Variants in CEP70 observed in about 807,000 individuals in gnomAD.
CEP70 encodes centrosomal protein of 70 kDa.
In CEP70, 70 loss-of-function variants were observed where a neutral mutation model predicts 90.9. That is an observed-to-expected ratio of 0.77 (90% confidence interval 0.64 to 0.94). CEP70 has a LOEUF of 0.94. Ranked by LOEUF, CEP70 falls within the 40% of genes least tolerant of loss-of-function variation. CEP70 has a pLI of 0.00. For missense variants in CEP70, 648 were observed against 669.0 expected (o/e 0.97, Z 0.35); for synonymous variants, 220 against 228.3 (o/e 0.96, Z 0.33).
chr3:138,576,180 C>G (rs1467299198), intron 2 of CEP70, among the ~76,000 whole-genome samples: 18 of 152,148 alleles, frequency 1.2e-4, no homozygotes, highest in Admixed American at 1.2e-3. Flanking sequence ...AGTCAAGACC[C>G]ATCAGTGTGC....
chr3:138,550,882 G>C (rs996699895), intron 6 of CEP70, among the ~76,000 whole-genome samples: 3 of 152,296 alleles, frequency 2.0e-5, no homozygotes, highest in South Asian at 4.1e-4. Context: ...TATGTTAAAC[G>C]ACCAAATCTA....
At chr3:138,500,304 C>T (rs1279467335) in intron 15 of CEP70, 80 bp from the exon 16 acceptor site, 32 of 1,497,498 alleles carry the variant, frequency 2.1e-5, no homozygotes, top group Non-Finnish European at 2.7e-5. Flanking sequence ...CTTCAGTTAT[C>T]CTCAATTTTT....
At position 138,541,557 on chromosome 3, in the gene CEP70, G is replaced by T. The variant is rs373521710; in HGVS notation, c.466-4210C>A. The stretch of plus-strand genomic sequence containing the variant: ...GGACTCATAAGAAATGCTAAAGGGA[G>T]TTCTTCACTATGAAAGAGAAGGACA... On this transcript the variant is annotated intron_variant, in intron 6 of 17. Transcript: ENST00000264982. 2.7e-4 allele frequency among the ~76,000 whole-genome samples: 41 copies of T among 152,244 alleles called. No homozygotes were observed. The East Asian group carries it at 7.3e-3, about 27-fold the overall frequency.
chr3:138,533,985 C>T (rs189560058), intron 7 of CEP70, among the ~76,000 whole-genome samples: 225 of 152,178 alleles, frequency 1.5e-3, no homozygotes, highest in African/African-American at 5.2e-3. Context: ...GGGGTTTCAC[C>T]GTGTTAGCCA....
chr3:138,587,462 A>G (rs1170595909), intron 2 of CEP70, among the ~76,000 whole-genome samples: 1 of 152,084 alleles, frequency 6.6e-6, no homozygotes, highest in Non-Finnish European at 1.5e-5. Context: ...CAGAGCTGCA[A>G]AAGATCTATA....
In CEP70 at chr3:138,570,395, C is replaced by T. The variant is rs993945770; in HGVS notation, c.388G>A (p.Glu130Lys). The T allele has an allele frequency of 3.7e-6, 6 of 1,608,566 alleles. No homozygotes were observed. Among genetic ancestry groups the T allele is most frequent in the Middle Eastern group, 1.7e-4 (1 of 6,052 alleles). ...ESVKSKIGELEDESLSRACHQ... is the reference protein window; with the variant it reads ...ESVKSKIGELKDESLSRACHQ... Reference sequence around the variant, plus strand: ...CAAGCCCTACTTAGTGATTCATCCTCCAATTCACCAATTTTGGATTTCACA... The same window carrying T: ...CAAGCCCTACTTAGTGATTCATCCTTCAATTCACCAATTTTGGATTTCACA... Residue 130 changes from glutamate (E) to lysine (K), a missense_variant, in exon 6 of 18, where the codon GAG becomes AAG. Physicochemically the swap from Glu to Lys is moderately conservative, Grantham distance 56. Coordinates refer to ENST00000264982, the MANE Select transcript of CEP70 (RefSeq NM_024491.4).
intron 2 of CEP70, among the ~76,000 whole-genome samples, chr3:138,590,836 G>A (rs1324630239): frequency 1.3e-5 from 2 of 151,314 alleles, no homozygotes; most frequent in African/African-American, 4.9e-5. Context: ...AAAAAAAACA[G>A]GGAAGTGATT....
intron 11 of CEP70, among the ~76,000 whole-genome samples, chr3:138,517,745 C>T (rs2036176305): frequency 1.3e-5 from 2 of 152,226 alleles, no homozygotes; most frequent in African/African-American, 4.8e-5. Context: ...GTCTACAACT[C>T]CCTGCATGAG....
At chr3:138,531,020 C>T (rs2037763972) in intron 8 of CEP70, among the ~76,000 whole-genome samples, 2 of 152,132 alleles carry the variant, frequency 1.3e-5, no homozygotes, top group Admixed American at 1.3e-4. Context: ...CTATTTTCTT[C>T]CTATCCTCCA....
chr3:138,509,132 G>C (rs1185841513), intron 11 of CEP70, among the ~76,000 whole-genome samples: 1 of 152,152 alleles, frequency 6.6e-6, no homozygotes, highest in Non-Finnish European at 1.5e-5. Flanking sequence ...GAAGAGATCA[G>C]ATTGAAGAAG....
intron 6 of CEP70, among the ~76,000 whole-genome samples, chr3:138,566,373 T>C (rs187826534): frequency 5.9e-5 from 9 of 152,268 alleles, no homozygotes; most frequent in Non-Finnish European, 1.0e-4. Context: ...TAAAGACACA[T>C]GCACACGTTT....
intron 6 of CEP70, 104 bp from the exon 7 acceptor site, chr3:138,537,451 T>C: frequency 1.4e-6 from 1 of 717,642 alleles, no homozygotes; most frequent in Non-Finnish European, 2.1e-6. Context: ...TACTGAGCTG[T>C]TTCATTCAAG....
intron 10 of CEP70, among the ~76,000 whole-genome samples, chr3:138,527,329 A>ATTT (rs534956538): frequency 7.0e-6 from 1 of 143,456 alleles, no homozygotes; most frequent in Admixed American, 7.0e-5. Flanking sequence ...TGCCTGGCTA[A>ATTT]TTTTTTTTTT....
chr3:138,526,773 A>G (rs1295403878), intron 10 of CEP70, among the ~76,000 whole-genome samples: 2 of 152,244 alleles, frequency 1.3e-5, no homozygotes, highest in African/African-American at 4.8e-5. Context: ...TGAATCTAAT[A>G]TAGTAAATAT....
intron 2 of CEP70, among the ~76,000 whole-genome samples, chr3:138,588,534 C>A (rs1199246144): frequency 6.6e-6 from 1 of 152,200 alleles, no homozygotes; most frequent in Non-Finnish European, 1.5e-5. Context: ...AATTAAAACA[C>A]ACGATGTGAC....
intron 11 of CEP70, among the ~76,000 whole-genome samples, chr3:138,519,244 C>CTCTGGTTCTCTGCAGAGAA: frequency 7.9e-6 from 1 of 125,816 alleles, no homozygotes; most frequent in Admixed American, 7.5e-5. Context: ...TGGAACCAAG[C>CTCTGGTTCTCTGCAGAGAA]TGGAAAACAC....
intron 10 of CEP70, among the ~76,000 whole-genome samples, chr3:138,528,795 C>T (rs181473726): frequency 1.3e-5 from 2 of 152,216 alleles, no homozygotes; most frequent in South Asian, 4.2e-4. Context: ...AAGTCTGAGA[C>T]CAGCCTGACA....
At chr3:138,537,098 C>T (rs2038339572) in intron 7 of CEP70, 80 bp downstream of exon 7, 2 of 1,028,464 alleles carry the variant, frequency 1.9e-6, no homozygotes, top group Admixed American at 2.9e-5. Context: ...TATAACCACC[C>T]CCAAGATAAT....
At chr3:138,580,413 C>A (rs147482170) in intron 2 of CEP70, among the ~76,000 whole-genome samples, 1 of 152,148 alleles carries the variant, frequency 6.6e-6, no homozygotes, top group Non-Finnish European at 1.5e-5. Flanking sequence ...CCAAGACCAG[C>A]AAGGTGGCAA....
Sources: gnomAD v4.1 joint callset for allele counts (sites outside exome capture counted in the v4.1 genomes callset) on GRCh38, gnomAD v4.1.1 for gene constraint, MANE v1.5 for transcripts, NCBI Gene and HGNC (gene_info 2026-07-23, HGNC 2026-07-21) for gene names.